Variants in HELZ2 observed in about 807,000 individuals in gnomAD.
HELZ2 encodes the protein 3'-5' exoribonuclease HELZ2.
In HELZ2, 143 loss-of-function variants were observed where a neutral mutation model predicts 208.8. The ratio of observed to expected loss-of-function variants is 0.68; its 90% CI spans 0.60 to 0.79. HELZ2 has a LOEUF of 0.79. HELZ2 is among the 30% of genes least tolerant of loss of function. The pLI, the probability that HELZ2 is intolerant of heterozygous loss-of-function variation, is 0.00. For synonymous variants in HELZ2, 1,705 were observed against 1,693.7 expected (o/e 1.01, Z -0.16); for missense variants, 3,690 against 3,794.5 (o/e 0.97, Z 0.72).
exon 8 of HELZ2, chr20:63,565,842 C>T: frequency 1.3e-6 from 2 of 1,598,792 alleles, no homozygotes; most frequent in East Asian, 2.2e-5. Flanking sequence ...TTCACCATGG[C>T]CGTCACCACA....
At chr20:63,559,834 T>G in intron 18 of HELZ2, 94 bp downstream of exon 19, 1 of 1,369,612 alleles carries the variant, frequency 7.3e-7, no homozygotes, top group African/African-American at 1.4e-5. Flanking sequence ...CAGGGTCAGG[T>G]CGGAGTCAGG....
exon 8 of HELZ2, chr20:63,562,997 G>A (rs1380623857): frequency 6.2e-7 from 1 of 1,600,756 alleles, no homozygotes; most frequent in Non-Finnish European, 8.5e-7. Context: ...CCACACGCAG[G>A]CGTACTCATC....
At position 63,561,592 on chromosome 20, in the gene HELZ2, C is replaced by T; in HGVS notation, c.6836+9G>A. On this transcript the variant is annotated intron_variant, in intron 12 of 18. Transcript: ENST00000467148. Reference sequence around the variant, plus strand: ...CACTCCGCCCAAGCCCCAAAGACAGCAGGCACACCTGAGGCTCTGGTTCGG... The same window carrying T: ...CACTCCGCCCAAGCCCCAAAGACAGTAGGCACACCTGAGGCTCTGGTTCGG... 1 of 1,596,200 alleles carries T rather than the reference C, an allele frequency of 6.3e-7. No homozygotes were observed. The highest frequency in any genetic ancestry group is 8.5e-7 in the Non-Finnish European group (1 of 1,170,732).
exon 19 of HELZ2, chr20:63,559,340 A>G: frequency 6.2e-7 from 1 of 1,602,110 alleles, no homozygotes. Context: ...GCTACGCCAG[A>G]GGGGGCAGCA....
At position 63,560,462 on chromosome 20, in the gene HELZ2, A is replaced by G. The variant is rs1338856963; in HGVS notation, c.7500+17T>C. ...CTCCAGAAAGCCCTCCCTGACTCAC[A>G]GGCACCAGACACTCACCACCTCAGC... is the stretch of plus-strand genomic sequence containing the variant. On this transcript the variant is annotated intron_variant, in intron 16 of 18. Coordinates refer to ENST00000467148, the Ensembl canonical transcript of HELZ2. The G allele has an allele frequency of 1.9e-6, 3 of 1,605,410 alleles. No individual in the cohort carries two copies. The highest frequency in any genetic ancestry group is 1.7e-6 in the Non-Finnish European group (2 of 1,178,250).
chr20:63,563,583 C>A, exon 8 of HELZ2: 1 of 1,529,842 alleles, frequency 6.5e-7, no homozygotes, highest in Non-Finnish European at 8.8e-7. Flanking sequence ...CCCGCCTCCA[C>A]GTCCACCACG....
At chr20:63,564,356 G>A (rs368625801) in exon 8 of HELZ2, 25 of 1,565,754 alleles carry the variant, frequency 1.6e-5, no homozygotes, top group South Asian at 1.3e-4. Context: ...GAAGTAGCAC[G>A]CGGCCACGAC....
chr20:63,561,418 C>T (rs533989382), exon 13 of HELZ2: 32 of 1,612,632 alleles, frequency 2.0e-5, no homozygotes, highest in East Asian at 1.1e-4. Flanking sequence ...TGATTTCCGA[C>T]GAGTAAGGGT....
exon 8 of HELZ2, chr20:63,562,628 C>A (rs765834409): frequency 6.3e-7 from 1 of 1,591,394 alleles, no homozygotes. Flanking sequence ...GAGGTGCACC[C>A]GTCTGGGAGC....
Position 63,560,282 on chromosome 20 carries a change from G to A in HELZ2, c.7546C>T (p.Gln2516Ter). Residue 2516 changes from glutamine to a stop codon, truncating the protein, a stop_gained, in exon 17 of 19, where the codon CAG (glutamine) becomes TAG (stop). Transcript: ENST00000467148. LOFTEE classifies it high-confidence loss of function. ...TAGGGCGTGAGGACGGCGATGTCCT[G>A]GGGCTCTACGGTCCTCCCCAGGGTC... 6.4e-7 allele frequency: 1 copy of A among 1,562,274 alleles called. No homozygotes were observed. Among genetic ancestry groups the A allele is most frequent in the Non-Finnish European group, 8.6e-7 (1 of 1,157,962 alleles).
chr20:63,572,287 G>A (rs1276549888), exon 1 of HELZ2: 2 of 1,584,906 alleles, frequency 1.3e-6, no homozygotes, highest in Admixed American at 1.8e-5. Context: ...CAGGGGGCTG[G>A]CCAAGGGGGG....
At chr20:63,566,907 G>C in exon 6 of HELZ2, 4 of 1,609,278 alleles carry the variant, frequency 2.5e-6, no homozygotes, top group Non-Finnish European at 3.4e-6. Context: ...AGCTGGGCCA[G>C]GTGTTGTAGG....
chr20:63,561,028 G>A (rs2082879660), intron 14 of HELZ2, 54 bp downstream of exon 15: 1 of 1,596,174 alleles, frequency 6.3e-7, no homozygotes, highest in Non-Finnish European at 8.6e-7. Context: ...ACCCCAGGTG[G>A]GAGACTGTGC....
chr20:63,558,635 G>A (rs1040893501), downstream of HELZ2: 1 of 152,182 alleles, frequency 6.6e-6, no homozygotes, highest in African/African-American at 2.4e-5. Flanking sequence ...GCCTCCTGGA[G>A]TCAAGCGATT....
chr20:63,564,571 G>A (rs1431949786), exon 8 of HELZ2: 3 of 1,568,194 alleles, frequency 1.9e-6, no homozygotes, highest in African/African-American at 2.7e-5. Context: ...CAGGCAGGAG[G>A]CTGAGGACGT....
chr20:63,565,203 G>C, exon 8 of HELZ2: 1 of 1,608,258 alleles, frequency 6.2e-7, no homozygotes, highest in Non-Finnish European at 8.5e-7. Flanking sequence ...GTGTCCATGC[G>C]GCACACAAAC....
At chr20:63,565,895 G>A in exon 8 of HELZ2, 1 of 1,597,256 alleles carries the variant, frequency 6.3e-7, no homozygotes. Flanking sequence ...CTCTGGGGCA[G>A]CCTCCCAGTT....
chr20:63,561,889 T>C lies in HELZ2; in HGVS notation c.6625A>G (p.Lys2209Glu), dbSNP rs751865920. 1.1e-5 allele frequency: 18 copies of C among 1,576,926 alleles called. No individual in the cohort carries two copies. Among genetic ancestry groups the C allele is most frequent in the Non-Finnish European group, 1.6e-5 (18 of 1,160,998 alleles). ...AAGATGCAGGGACCCCCCAGCCGCTTCTCCCCACGGGGGGGGCCTCCGGGC... is the reference window on the plus strand; with the variant it reads ...AAGATGCAGGGACCCCCCAGCCGCTCCTCCCCACGGGGGGGGCCTCCGGGC... Residue 2209 changes from lysine (K) to glutamate (E), a missense_variant, in exon 11 of 19, where the codon AAG (lysine) becomes GAG (glutamate). Lys to Glu is a moderately conservative substitution (Grantham distance 56). Coordinates refer to ENST00000467148, the Ensembl canonical transcript of HELZ2.
exon 8 of HELZ2, chr20:63,566,160 C>T: frequency 6.4e-6 from 10 of 1,551,114 alleles, no homozygotes; most frequent in Non-Finnish European, 6.9e-6. Flanking sequence ...AACTCAGGGG[C>T]CAGTGCCCCA....
Sources: gnomAD v4.1 joint callset for allele counts on GRCh38, gnomAD v4.1.1 for gene constraint, MANE v1.5 for transcripts, NCBI Gene and HGNC (gene_info 2026-07-23, HGNC 2026-07-21) for gene names.